GPRIN3: variants seen among roughly 807,000 people sequenced by gnomAD.
GPRIN3 encodes GPRIN family member 3.
GPRIN3 carries 12 observed loss-of-function variants against 13.7 expected under a neutral mutation model. That is an observed-to-expected ratio of 0.87 (90% confidence interval 0.56 to 1.42). The LOEUF (loss-of-function observed/expected upper bound fraction) is 1.42, where lower values mean the gene tolerates loss of function less well. GPRIN3 is among the 40% of genes most tolerant of loss of function. The pLI, the probability that GPRIN3 is intolerant of heterozygous loss-of-function variation, is 0.00. For missense variants in GPRIN3, 1,009 were observed against 958.7 expected, an observed-to-expected ratio of 1.05 and a Z score of -0.69; for synonymous variants, 377 against 372.7, an observed-to-expected ratio of 1.01 and a Z score of -0.13.
chr4:89,261,491 C>T (rs902546573), intron 1 of GPRIN3, among the ~76,000 whole-genome samples: 8 of 152,098 alleles, frequency 5.3e-5, no homozygotes, highest in Non-Finnish European at 1.2e-4. Context: ...ATATAGTTTT[C>T]GGCTCTCAAG....
At chr4:89,252,328 T>C (rs545942758) in intron 1 of GPRIN3, among the ~76,000 whole-genome samples, 1 of 152,318 alleles carries the variant, frequency 6.6e-6, no homozygotes, top group East Asian at 1.9e-4. Flanking sequence ...GACAAAGCAA[T>C]GGATCAGAAA....
intron 1 of GPRIN3, among the ~76,000 whole-genome samples, chr4:89,277,651 G>A (rs893076696): frequency 1.3e-5 from 2 of 152,306 alleles, no homozygotes; most frequent in Non-Finnish European, 2.9e-5. Flanking sequence ...GGGTGTCTGA[G>A]CCTTCTGGGC....
At chr4:89,298,545 G>C (rs1724806038) in intron 1 of GPRIN3, among the ~76,000 whole-genome samples, 1 of 151,966 alleles carries the variant, frequency 6.6e-6, no homozygotes, top group African/African-American at 2.4e-5. Flanking sequence ...TTCTAATTTT[G>C]TTGAACTATA....
At chr4:89,270,961 G>A (rs1315933159) in intron 1 of GPRIN3, among the ~76,000 whole-genome samples, 4 of 152,120 alleles carry the variant, frequency 2.6e-5, no homozygotes, top group Non-Finnish European at 4.4e-5. Context: ...CTCAGGGATA[G>A]GTACCGTGGT....
At chr4:89,271,376 A>ATAGACC (rs1486099573) in intron 1 of GPRIN3, among the ~76,000 whole-genome samples, 1 of 152,100 alleles carries the variant, frequency 6.6e-6, no homozygotes, top group Non-Finnish European at 1.5e-5. Flanking sequence ...AGTGCATGGT[A>ATAGACC]TAGACATACC....
intron 1 of GPRIN3, chr4:89,251,333 C>T (rs1723319205): frequency 6.6e-6 from 1 of 152,002 alleles, no homozygotes; most frequent in South Asian, 2.1e-4. Flanking sequence ...TCTAGGGAGA[C>T]CTAGCAAAAG....
rs1368756966 is a variant in GPRIN3 at position 89,242,486 on chromosome 4, C to T, written c.*5294G>A. ...TTTAAGCCAGCAAGACTTTGAGTGGCTCCTCTTCCCTCTGGGCTCACATAA... is the reference window on the plus strand; with the variant it reads ...TTTAAGCCAGCAAGACTTTGAGTGGTTCCTCTTCCCTCTGGGCTCACATAA... On this transcript the variant is annotated 3_prime_UTR_variant, in exon 2 of 2. Transcript: ENST00000609438. 6.6e-6 allele frequency: 1 copy of T among 152,194 alleles called. No homozygotes were observed. The highest frequency in any genetic ancestry group is 1.5e-5 in the Non-Finnish European group (1 of 68,042). The allele number at this position is 152,194 out of a possible 1,614,324, so 9.4% of individuals were successfully genotyped here. A position where few individuals can be genotyped will look rare whatever the true frequency, so the allele number is the denominator to read the frequency against.
intron 1 of GPRIN3, among the ~76,000 whole-genome samples, chr4:89,278,903 C>A (rs1724167572): frequency 6.6e-6 from 1 of 152,210 alleles, no homozygotes; most frequent in South Asian, 2.1e-4. Context: ...AAAGAGGGTA[C>A]AAACCAAGTC....
At chr4:89,265,053 A>T (rs1277492707) in intron 1 of GPRIN3, among the ~76,000 whole-genome samples, 6 of 152,190 alleles carry the variant, frequency 3.9e-5, no homozygotes, top group Non-Finnish European at 8.8e-5. Flanking sequence ...AGTATGCTAC[A>T]GTTTTTATGG....
At chr4:89,270,600 TAAA>T (rs34016285) in intron 1 of GPRIN3, among the ~76,000 whole-genome samples, 58 of 120,386 alleles carry the variant, frequency 4.8e-4, no homozygotes, top group South Asian at 8.1e-4. Flanking sequence ...TATATATATA[TAAA>T]ATATAGATAT....
chr4:89,261,559 T>C (rs1232606564), intron 1 of GPRIN3, among the ~76,000 whole-genome samples: 1 of 152,132 alleles, frequency 6.6e-6, no homozygotes, highest in Non-Finnish European at 1.5e-5. Flanking sequence ...ATAATTCCTA[T>C]AAGGAACAAT....
At chr4:89,276,579 T>C (rs1248148513) in intron 1 of GPRIN3, among the ~76,000 whole-genome samples, 2 of 152,216 alleles carry the variant, frequency 1.3e-5, no homozygotes, top group African/African-American at 2.4e-5. Context: ...ACATGAGACA[T>C]ATAGCCTCCC....
At chr4:89,279,423 G>A (rs1724184447) in intron 1 of GPRIN3, among the ~76,000 whole-genome samples, 1 of 152,000 alleles carries the variant, frequency 6.6e-6, no homozygotes, top group Non-Finnish European at 1.5e-5. Context: ...CTATCATCAG[G>A]GAAAAGTCTT....
At chr4:89,281,154 G>A (rs970600925) in intron 1 of GPRIN3, among the ~76,000 whole-genome samples, 2 of 150,958 alleles carry the variant, frequency 1.3e-5, no homozygotes, top group African/African-American at 4.9e-5. Context: ...ATAGAGTCTC[G>A]CTCTTGTCAC....
At chr4:89,253,482 A>G (rs1723386498) in intron 1 of GPRIN3, among the ~76,000 whole-genome samples, 1 of 152,230 alleles carries the variant, frequency 6.6e-6, no homozygotes, top group South Asian at 2.1e-4. Flanking sequence ...AGCCAGGAAC[A>G]CAGAATATCT....
At chr4:89,295,846 T>A (rs1724716183) in intron 1 of GPRIN3, among the ~76,000 whole-genome samples, 1 of 152,180 alleles carries the variant, frequency 6.6e-6, no homozygotes, top group South Asian at 2.1e-4. Context: ...AACCATTTTT[T>A]TTAACTCAAT....
At chr4:89,277,660 G>A (rs912459848) in intron 1 of GPRIN3, among the ~76,000 whole-genome samples, 4 of 152,108 alleles carry the variant, frequency 2.6e-5, no homozygotes, top group Non-Finnish European at 5.9e-5. Context: ...AGCCTTCTGG[G>A]CCCACTGTCT....
chr4:89,282,594 A>AT lies in GPRIN3; in HGVS notation c.-124+25020dup, dbSNP rs11306317. On this transcript the variant is annotated intron_variant, in intron 1 of 1. Transcript: ENST00000609438. ...TTAAAACATATGTGATTTTTTTGCA[A>AT]TTTTTTTTTTTTTTTTTTTTTAGCT... Among the ~76,000 whole-genome samples, 1,055 of 135,606 alleles carry AT rather than the reference A, an allele frequency of 7.8e-3. 11 individuals carry two copies. The highest frequency in any genetic ancestry group is 9.7e-3 in the Non-Finnish European group (604 of 62,442). The allele number at this position is 135,606 out of a possible 152,430, so 89.0% of individuals were successfully genotyped here. A position where few individuals can be genotyped will look rare whatever the true frequency, so the allele number is the denominator to read the frequency against.
intron 1 of GPRIN3, among the ~76,000 whole-genome samples, chr4:89,268,449 G>A (rs1404577116): frequency 2.0e-5 from 3 of 152,124 alleles, no homozygotes; most frequent in African/African-American, 7.2e-5. Context: ...TCAAGCACAG[G>A]GAACAAGGCT....
Sources: allele counts gnomAD v4.1 joint callset (sites outside exome capture counted in the v4.1 genomes callset), GRCh38; gene constraint gnomAD v4.1.1; transcripts MANE v1.5; gene names NCBI Gene and HGNC (gene_info 2026-07-23, HGNC 2026-07-21).